Variants in VIPR2 observed in about 807,000 individuals in gnomAD.
VIPR2 encodes the protein vasoactive intestinal peptide receptor 2, also known as vasoactive intestinal polypeptide receptor 2.
A neutral mutation model predicts 58.0 loss-of-function variants in VIPR2; 48 were observed. That is an observed-to-expected ratio of 0.83 (90% CI 0.66 to 1.05). VIPR2 has a LOEUF of 1.05. VIPR2 is among the 50% of genes least tolerant of loss of function. The pLI is 0.00. For synonymous variants in VIPR2, 243 were observed against 235.2 expected, an observed-to-expected ratio of 1.03 and a Z score of -0.30; for missense variants, 534 against 558.0, an observed-to-expected ratio of 0.96 and a Z score of 0.43.
intron 6 of VIPR2, among the ~76,000 whole-genome samples, chr7:159,037,818 G>A (rs113138077): frequency 1.3e-5 from 2 of 152,072 alleles, no homozygotes; most frequent in African/African-American, 2.4e-5. Flanking sequence ...AAAGTGTGCT[G>A]AAAAAGAATA....
chr7:159,115,836 C>T (rs55776245), intron 2 of VIPR2, among the ~76,000 whole-genome samples: 19,931 of 152,306 alleles, frequency 0.13, 1,453 homozygotes, highest in East Asian at 0.16. Context: ...TTCTCACCTC[C>T]GATTCCGTTG....
intron 5 of VIPR2, among the ~76,000 whole-genome samples, chr7:159,043,787 C>T (rs556674858): frequency 1.6e-4 from 25 of 152,234 alleles, no homozygotes; most frequent in African/African-American, 4.6e-4. Flanking sequence ...ACTAAGATTC[C>T]GCGGGCTGAG....
At chr7:159,088,478 G>A (rs918476394) in intron 4 of VIPR2, among the ~76,000 whole-genome samples, 11 of 151,734 alleles carry the variant, frequency 7.2e-5, no homozygotes, top group East Asian at 1.9e-4. Flanking sequence ...CACACCCACC[G>A]CAGCACACCC....
At chr7:159,106,665 G>C (rs1179801024) in intron 3 of VIPR2, among the ~76,000 whole-genome samples, 1 of 128,590 alleles carries the variant, frequency 7.8e-6, no homozygotes, top group Non-Finnish European at 1.7e-5. Context: ...GCCAGGGAGG[G>C]GCAGAGAGGC....
At chr7:159,060,795 T>A (rs1855603773) in intron 4 of VIPR2, among the ~76,000 whole-genome samples, 1 of 152,198 alleles carries the variant, frequency 6.6e-6, no homozygotes, top group South Asian at 2.1e-4. Context: ...ACAGCCACCC[T>A]CACATCACGT....
At chr7:159,133,747 T>C (rs1797085025) in intron 2 of VIPR2, among the ~76,000 whole-genome samples, 1 of 152,240 alleles carries the variant, frequency 6.6e-6, no homozygotes. Flanking sequence ...AAACGAGATC[T>C]ATTTTATTTG....
At chr7:159,044,199 T>C (rs1240795407) in intron 5 of VIPR2, among the ~76,000 whole-genome samples, 2 of 152,102 alleles carry the variant, frequency 1.3e-5, no homozygotes, top group Non-Finnish European at 2.9e-5. Context: ...ACTCCAGGTG[T>C]TTGTGGAAAT....
chr7:159,088,170 TCAGCCTTGA>T (rs1196201809), intron 4 of VIPR2, among the ~76,000 whole-genome samples: 1 of 152,190 alleles, frequency 6.6e-6, no homozygotes, highest in Non-Finnish European at 1.5e-5. Flanking sequence ...ACAGCATCCA[TCAGCCTTGA>T]CTGTTGCCCA....
At chr7:159,030,811 A>G in intron 12 of VIPR2, 22 bp from the exon 13 acceptor site, 1 of 1,542,862 alleles carries the variant, frequency 6.5e-7, no homozygotes, top group Non-Finnish European at 8.8e-7. Flanking sequence ...GGGCAGCGGG[A>G]ACGCCCGTGA....
At chr7:159,047,961 C>A (rs959603399) in intron 5 of VIPR2, among the ~76,000 whole-genome samples, 1 of 151,976 alleles carries the variant, frequency 6.6e-6, no homozygotes, top group Non-Finnish European at 1.5e-5. Context: ...GGTTTTGGAA[C>A]CTTGAAGAAA....
In VIPR2 at chr7:159,102,923, T is replaced by C. The variant is rs1194593382; in HGVS notation, c.357+834A>G. Among the ~76,000 whole-genome samples, 3 of 152,288 alleles carry C rather than the reference T, an allele frequency of 2.0e-5. No homozygotes were observed. The East Asian group carries it at 5.8e-4, about 29-fold the overall frequency. ...CTCTGCACACACCTCTGGCTGCAGG[T>C]TGCTATGGTGCCCGCCACCCACACG... On this transcript the variant is annotated intron_variant, in intron 4 of 12. Coordinates refer to ENST00000262178, the MANE Select transcript of VIPR2 (RefSeq NM_003382.5).
intron 10 of VIPR2, among the ~76,000 whole-genome samples, chr7:159,032,555 C>T (rs771273586): frequency 2.5e-4 from 38 of 152,162 alleles, no homozygotes; most frequent in Non-Finnish European, 2.9e-4. Context: ...CCTCAGTCAG[C>T]GGCAGAGGAC....
chr7:159,133,574 C>A (rs1024222547), intron 2 of VIPR2, among the ~76,000 whole-genome samples: 4 of 152,246 alleles, frequency 2.6e-5, no homozygotes, highest in African/African-American at 4.8e-5. Context: ...TTTGGACCGA[C>A]CAGTGAGTTT....
intron 1 of VIPR2, among the ~76,000 whole-genome samples, chr7:159,143,537 A>G (rs532513845): frequency 6.6e-6 from 1 of 152,346 alleles, no homozygotes; most frequent in Admixed American, 6.5e-5. Flanking sequence ...GGGGAAAACA[A>G]TGCTGGAACT....
chr7:159,116,255 A>T (rs1236435040), intron 2 of VIPR2, among the ~76,000 whole-genome samples: 4 of 152,212 alleles, frequency 2.6e-5, no homozygotes, highest in African/African-American at 9.6e-5. Context: ...GGAGGAGCCA[A>T]CTACTAATTT....
At chr7:159,085,307 G>GT (rs1230606301) in intron 4 of VIPR2, among the ~76,000 whole-genome samples, 1 of 151,966 alleles carries the variant, frequency 6.6e-6, no homozygotes, top group Non-Finnish European at 1.5e-5. Flanking sequence ...GTTTTGTTTT[G>GT]TTTTTTGAGA....
At chr7:159,047,171 G>A (rs1427513533) in intron 5 of VIPR2, among the ~76,000 whole-genome samples, 6 of 152,182 alleles carry the variant, frequency 3.9e-5, no homozygotes, top group African/African-American at 9.7e-5. Flanking sequence ...GGAGGCAGAG[G>A]TTGAGATTGA....
chr7:159,117,514 C>A, intron 2 of VIPR2: 1 of 681,290 alleles, frequency 1.5e-6, no homozygotes, highest in South Asian at 1.6e-5. Context: ...TGACCTGAGT[C>A]ATGGACACAG....
At chr7:159,049,575 C>G (rs944942207) in intron 5 of VIPR2, among the ~76,000 whole-genome samples, 47 of 152,324 alleles carry the variant, frequency 3.1e-4, no homozygotes, top group Non-Finnish European at 5.7e-4. Flanking sequence ...GTTGGGTGAC[C>G]CTCGGGGAGC....
Sources: allele counts gnomAD v4.1 joint callset (sites outside exome capture counted in the v4.1 genomes callset), GRCh38; gene constraint gnomAD v4.1.1; transcripts MANE v1.5; gene names NCBI Gene and HGNC (gene_info 2026-07-23, HGNC 2026-07-21).